DAAM1: variants seen among roughly 807,000 people sequenced by gnomAD.
DAAM1 encodes the protein dishevelled associated activator of morphogenesis 1, also known as disheveled-associated activator of morphogenesis 1.
A neutral mutation model predicts 130.0 loss-of-function variants in DAAM1; 52 were observed. The observed-to-expected ratio is 0.40, with a 90% CI of 0.32 to 0.50. The LOEUF (loss-of-function observed/expected upper bound fraction) is 0.50, where lower values mean the gene tolerates loss of function less well. Among genes scored for constraint, DAAM1 ranks in the 20% least tolerant of loss-of-function variants. The pLI is 0.61. For synonymous variants in DAAM1, 452 were observed against 444.5 expected (o/e 1.02, Z -0.21); for missense variants, 1,134 against 1,303.8 (o/e 0.87, Z 2.01).
chr14:59,210,627 C>T (rs1888399221), intron 1 of DAAM1, among the ~76,000 whole-genome samples: 1 of 152,148 alleles, frequency 6.6e-6, no homozygotes, highest in Non-Finnish European at 1.5e-5. Flanking sequence ...CATACCCTCT[C>T]CTCATTATCT....
At chr14:59,247,602 A>T (rs1184557154) in intron 1 of DAAM1, among the ~76,000 whole-genome samples, 1 of 152,100 alleles carries the variant, frequency 6.6e-6, no homozygotes, top group Non-Finnish European at 1.5e-5. Flanking sequence ...TTCTTGGTTG[A>T]AAGTTAATTT....
intron 2 of DAAM1, among the ~76,000 whole-genome samples, chr14:59,278,296 G>A (rs995743387): frequency 1.3e-5 from 2 of 152,084 alleles, no homozygotes; most frequent in Non-Finnish European, 2.9e-5. Context: ...GGTGAACCTG[G>A]CTCATGGAAC....
At chr14:59,314,505 G>T (rs1304341171) in intron 3 of DAAM1, among the ~76,000 whole-genome samples, 1 of 150,536 alleles carries the variant, frequency 6.6e-6, no homozygotes, top group African/African-American at 2.4e-5. Flanking sequence ...TTGAGATTTG[G>T]CTTCAGGTTG....
chr14:59,343,615 T>C (rs1260880664), intron 16 of DAAM1, among the ~76,000 whole-genome samples: 1 of 152,202 alleles, frequency 6.6e-6, no homozygotes, highest in Non-Finnish European at 1.5e-5. Context: ...AATGAACACT[T>C]GTGTTCACAG....
At chr14:59,265,360 C>G (rs1882385681) in intron 2 of DAAM1, 1 of 152,240 alleles carries the variant, frequency 6.6e-6, no homozygotes, top group African/African-American at 2.4e-5. Flanking sequence ...TAAGGAATCT[C>G]TTCCTTCTTT....
At chr14:59,194,683 C>T (rs1887830341) in intron 1 of DAAM1, among the ~76,000 whole-genome samples, 1 of 152,198 alleles carries the variant, frequency 6.6e-6, no homozygotes, top group South Asian at 2.1e-4. Context: ...AGTAGTCAAA[C>T]ATGTAATCTA....
At chr14:59,275,977 A>C (rs1316347687) in intron 2 of DAAM1, among the ~76,000 whole-genome samples, 1 of 152,172 alleles carries the variant, frequency 6.6e-6, no homozygotes, top group Non-Finnish European at 1.5e-5. Context: ...TGTGTTTACC[A>C]ATCCCTTTTA....
chr14:59,356,867 T>C (rs1886501134), intron 20 of DAAM1, among the ~76,000 whole-genome samples: 1 of 152,186 alleles, frequency 6.6e-6, no homozygotes, highest in Non-Finnish European at 1.5e-5. Context: ...CTGTTTCCTC[T>C]TTTTTTTCTG....
chr14:59,226,374 AACACACAC>A (rs368376707), intron 1 of DAAM1, among the ~76,000 whole-genome samples: 1 of 151,570 alleles, frequency 6.6e-6, no homozygotes, highest in South Asian at 2.1e-4. Flanking sequence ...ATTTAAGACA[AACACACAC>A]ACACACACGT....
intron 3 of DAAM1, among the ~76,000 whole-genome samples, chr14:59,295,754 GT>G (rs1376898094): frequency 2.0e-5 from 3 of 152,218 alleles, no homozygotes; most frequent in African/African-American, 7.2e-5. Context: ...TGAGACATCG[GT>G]CTTCTAGTTC....
rs187181078 is a variant in DAAM1, at chr14:59,353,042, G to A, written c.2267+410G>A. On this transcript the variant is annotated intron_variant, in intron 18 of 24. Coordinates refer to ENST00000360909, the MANE Select transcript of DAAM1 (RefSeq NM_001270520.2). ...ATATGGACAGACTCTGACAATGTCAGCCTCAAGCCCCCATAACTGAACAAC... is the reference window on the plus strand; with the variant it reads ...ATATGGACAGACTCTGACAATGTCAACCTCAAGCCCCCATAACTGAACAAC... Among the ~76,000 whole-genome samples the A allele has an allele frequency of 1.8e-3, 279 of 151,808 alleles. 6 individuals carry two copies. The highest frequency in any genetic ancestry group is 0.018 in the Admixed American group (277 of 15,252).
chr14:59,345,833 C>T (rs1430603610), intron 16 of DAAM1, among the ~76,000 whole-genome samples: 2 of 152,144 alleles, frequency 1.3e-5, no homozygotes, highest in Non-Finnish European at 1.5e-5. Flanking sequence ...CTTCTTAGTA[C>T]TCCCAGGCCT....
At chr14:59,270,494 A>G (rs186223618) in intron 2 of DAAM1, among the ~76,000 whole-genome samples, 1 of 152,304 alleles carries the variant, frequency 6.6e-6, no homozygotes, top group East Asian at 1.9e-4. Context: ...ATCCTCCCCC[A>G]TGACCCAAAC....
At chr14:59,221,644 C>G (rs1351303401) in intron 1 of DAAM1, among the ~76,000 whole-genome samples, 1 of 152,206 alleles carries the variant, frequency 6.6e-6, no homozygotes, top group Admixed American at 6.5e-5. Flanking sequence ...GTATTCCAGA[C>G]ATACTTTTCC....
Position 59,353,860 on chromosome 14 carries a change from A to C in DAAM1, c.2268-16A>C. On this transcript the variant is annotated splice_polypyrimidine_tract_variant and intron_variant, in intron 18 of 24. Coordinates refer to ENST00000360909, the MANE Select transcript of DAAM1 (RefSeq NM_001270520.2). ...ATATTAAATGAATATCAATTAGTACATGTTTGCTCTTACAGAATTAATCAC... is the reference window on the plus strand; with the variant it reads ...ATATTAAATGAATATCAATTAGTACCTGTTTGCTCTTACAGAATTAATCAC... 1 of 1,611,978 alleles carries C rather than the reference A, an allele frequency of 6.2e-7. No homozygotes were observed. The highest frequency in any genetic ancestry group is 8.5e-7 in the Non-Finnish European group (1 of 1,178,490).
At chr14:59,204,251 T>C (rs1029513740) in intron 1 of DAAM1, among the ~76,000 whole-genome samples, 2 of 152,222 alleles carry the variant, frequency 1.3e-5, no homozygotes, top group African/African-American at 4.8e-5. Context: ...CAGCTGGGGC[T>C]CAGGGGCTTC....
At chr14:59,349,480 C>T (rs149488624) in intron 17 of DAAM1, among the ~76,000 whole-genome samples, 56 of 152,364 alleles carry the variant, frequency 3.7e-4, no homozygotes, top group African/African-American at 1.3e-3. Flanking sequence ...GTGTCTTGCT[C>T]TCTGGTCATC....
chr14:59,212,851 T>C (rs1215122131), intron 1 of DAAM1, among the ~76,000 whole-genome samples: 1 of 152,252 alleles, frequency 6.6e-6, no homozygotes, highest in African/African-American at 2.4e-5. Flanking sequence ...AGAATGTTCC[T>C]TTTTAATAAA....
At chr14:59,332,984 G>C (rs1300665410) in intron 15 of DAAM1, among the ~76,000 whole-genome samples, 1 of 152,062 alleles carries the variant, frequency 6.6e-6, no homozygotes. Flanking sequence ...GGTTTCCTTG[G>C]CTTAGTCCCC....
Sources: gnomAD v4.1 joint callset for allele counts (sites outside exome capture counted in the v4.1 genomes callset) on GRCh38, gnomAD v4.1.1 for gene constraint, MANE v1.5 for transcripts, NCBI Gene and HGNC (gene_info 2026-07-23, HGNC 2026-07-21) for gene names.